The following KIAA0319 variants were observed in gnomAD, a reference collection of about 807,000 sequenced individuals.
KIAA0319 encodes dyslexia-associated protein KIAA0319.
A neutral mutation model predicts 108.4 loss-of-function variants in KIAA0319; 83 were observed. The observed-to-expected ratio is 0.77, with a 90% confidence interval of 0.64 to 0.92. KIAA0319 has a LOEUF of 0.92. Ranked by LOEUF, KIAA0319 falls within the 40% of genes least tolerant of loss-of-function variation. KIAA0319 has a pLI of 0.00. For missense variants in KIAA0319, 1,195 were observed against 1,322.4 expected (o/e 0.90, Z 1.49); for synonymous variants, 484 against 510.4 (o/e 0.95, Z 0.70).
At chr6:24,598,297 AC>A in intron 2 of KIAA0319, 1 of 659,798 alleles carries the variant, frequency 1.5e-6, no homozygotes, top group Non-Finnish European at 2.8e-6. Flanking sequence ...GGCCATGTGC[AC>A]CCAGGAGAAG....
At chr6:24,583,551 T>C (rs1322683895) in intron 5 of KIAA0319, 53 bp downstream of exon 5, 4 of 1,225,978 alleles carry the variant, frequency 3.3e-6, no homozygotes, top group Non-Finnish European at 4.8e-6. Context: ...AAGGACCTGC[T>C]GAAGAAAAAC....
intron 1 of KIAA0319, among the ~76,000 whole-genome samples, chr6:24,640,947 C>A (rs935537647): frequency 6.6e-6 from 1 of 152,164 alleles, no homozygotes. Flanking sequence ...AGACACTGCA[C>A]CTGGCCCATT....
intron 19 of KIAA0319, among the ~76,000 whole-genome samples, chr6:24,551,999 C>T (rs576398053): frequency 6.6e-6 from 1 of 152,042 alleles, no homozygotes; most frequent in South Asian, 2.1e-4. Flanking sequence ...GCAACAGCTG[C>T]TCCCCACCTT....
chr6:24,601,074 T>C lies in KIAA0319; in HGVS notation c.30A>G (p.Ser10=). 6 of 1,614,044 alleles carry C rather than the reference T, an allele frequency of 3.7e-6. No individual in the cohort carries two copies. The highest frequency in any genetic ancestry group is 5.1e-6 in the Non-Finnish European group (6 of 1,179,990). The change falls in exon 2 of 21, where the codon TCA becomes TCG. Residue 10 remains serine, a synonymous_variant. Coordinates refer to ENST00000378214, the MANE Select transcript of KIAA0319 (RefSeq NM_014809.4). MAPPTGVLS[S]LLLLVTIAGC... ...CTGCAATTGTCACCAGCAGCAGCAA[T>C]GAAGAGAGCACACCTGTGGGGGGCG...
At position 24,551,444 on chromosome 6, in the gene KIAA0319, C is replaced by T. The variant is rs1436453372; in HGVS notation, c.3030G>A (p.Arg1010=). ...NMDEQERMEL[R]PKYGIKHRST... ...TGCAGACTGTCTTACCATATTTGGGCCTCAGTTCCATTCTTTCCTGTTCAT... is the reference window on the plus strand; with the variant it reads ...TGCAGACTGTCTTACCATATTTGGGTCTCAGTTCCATTCTTTCCTGTTCAT... The change falls in exon 20 of 21, where the codon AGG becomes AGA. Residue 1010 remains arginine, a synonymous_variant. Transcript: ENST00000378214. 6.2e-7 allele frequency: 1 copy of T among 1,609,154 alleles called. No homozygotes were observed. The highest frequency in any genetic ancestry group is 2.2e-5 in the East Asian group (1 of 44,884).
chr6:24,624,257 G>T lies in KIAA0319; in HGVS notation c.-106+21479C>A, dbSNP rs547054001. ...GGGTTTCATCATATTGCCCAGGCTG[G>T]TCTAGAACTTCTGGGCCCAAATGAC... On this transcript the variant is annotated intron_variant, in intron 1 of 20. Transcript: ENST00000378214. Among the ~76,000 whole-genome samples the T allele has an allele frequency of 1.1e-4, 16 of 144,304 alleles. No individual in the cohort carries two copies. In the East Asian group the frequency reaches 2.9e-3, roughly 26 times the overall value. The allele number at this position is 144,304 out of a possible 152,430, so 94.7% of individuals were successfully genotyped here. A position where few individuals can be genotyped will look rare whatever the true frequency, so the allele number is the denominator to read the frequency against.
intron 4 of KIAA0319, among the ~76,000 whole-genome samples, chr6:24,587,146 T>G (rs1316715123): frequency 6.6e-6 from 1 of 152,224 alleles, no homozygotes; most frequent in Non-Finnish European, 1.5e-5. Flanking sequence ...CAATCACTTA[T>G]CAAATCTTTG....
At chr6:24,597,663 T>C (rs1769866483) in intron 2 of KIAA0319, among the ~76,000 whole-genome samples, 1 of 152,204 alleles carries the variant, frequency 6.6e-6, no homozygotes, top group Non-Finnish European at 1.5e-5. Flanking sequence ...TATGTTTGTA[T>C]GCTCTATGAA....
intron 13 of KIAA0319, among the ~76,000 whole-genome samples, chr6:24,567,992 T>C (rs1764136253): frequency 6.6e-6 from 1 of 152,172 alleles, no homozygotes. Context: ...ATAAAATCTT[T>C]TGAAAAATCC....
chr6:24,562,844 A>C (rs945690847), intron 16 of KIAA0319, among the ~76,000 whole-genome samples: 1 of 152,202 alleles, frequency 6.6e-6, no homozygotes, highest in Non-Finnish European at 1.5e-5. Flanking sequence ...GTCTCAAAAA[A>C]TAAAAATAAA....
chr6:24,553,335 A>ACGCG (rs1293546671), intron 19 of KIAA0319, among the ~76,000 whole-genome samples: 19 of 83,814 alleles, frequency 2.3e-4, no homozygotes, highest in African/African-American at 7.2e-4. Flanking sequence ...ACACACACAC[A>ACGCG]CGCACATATA....
Position 24,595,916 on chromosome 6 carries a change from G to A in KIAA0319, c.758C>T (p.Ala253Val), listed in dbSNP as rs1434322537. The part of the protein sequence containing the change: ...SSGEVLEKEK[A>V]SQLQEQSSNS... ...GCTGGATTGTTCCTGGAGCTGAGAA[G>A]CCTTTTCTTTCTCCAACACCTCTCC... Residue 253 changes from alanine (A) to valine (V), a missense_variant, in exon 3 of 21, where the codon GCT becomes GTT. Physicochemically the swap from Ala to Val is moderately conservative, Grantham distance 64. Transcript: ENST00000378214. 9.9e-6 allele frequency: 16 copies of A among 1,612,944 alleles called. No homozygotes were observed. Among genetic ancestry groups the A allele is most frequent in the East Asian group, 4.5e-5 (2 of 44,874 alleles).
intron 10 of KIAA0319, among the ~76,000 whole-genome samples, chr6:24,573,544 A>C (rs559526721): frequency 1.7e-4 from 26 of 152,384 alleles, no homozygotes; most frequent in African/African-American, 6.3e-4. Flanking sequence ...ACAGTAAAAA[A>C]ATTTTTAAAG....
At position 24,549,731 on chromosome 6, in the gene KIAA0319, T is replaced by C. The variant is rs558459992; in HGVS notation, c.3040+1703A>G. Among the ~76,000 whole-genome samples, 4 of 152,344 alleles carry C rather than the reference T, an allele frequency of 2.6e-5. No individual in the cohort carries two copies. The South Asian group carries it at 6.2e-4, about 24-fold the overall frequency. The stretch of plus-strand genomic sequence containing the variant: ...TTCAATGGGTAAAGTACTTGAGATG[T>C]ACCTAGTACATATTCAACATTAAAT... On this transcript the variant is annotated intron_variant, in intron 20 of 20. Transcript: ENST00000378214.
chr6:24,556,696 C>T lies in KIAA0319; in HGVS notation c.2768G>A (p.Cys923Tyr). ...AATGCAGCGCTTTGTGAGGGGGTCG[C>T]AGTGACCATGGCCAGAACACTTCAG... ...CLLKCSGHGH[C>Y]DPLTKRCICS... Residue 923 changes from cysteine (C) to tyrosine (Y), a missense_variant, in exon 18 of 21, where the codon TGC becomes TAC. Cys to Tyr is a radical substitution (Grantham distance 194). Transcript: ENST00000378214. The T allele has an allele frequency of 3.1e-6, 5 of 1,613,998 alleles. No homozygotes were observed. Among genetic ancestry groups the T allele is most frequent in the Non-Finnish European group, 4.2e-6 (5 of 1,179,996 alleles).
At chr6:24,600,616 C>T in intron 2 of KIAA0319, 1 of 1,498,850 alleles carries the variant, frequency 6.7e-7, no homozygotes, top group Non-Finnish European at 9.0e-7. Flanking sequence ...TTGGTATACT[C>T]ACATGGGCTC....
chr6:24,640,542 G>A (rs1227375751), intron 1 of KIAA0319, among the ~76,000 whole-genome samples: 1 of 152,172 alleles, frequency 6.6e-6, no homozygotes, highest in Admixed American at 6.5e-5. Context: ...GAACTATATA[G>A]GTGACATTAA....
intron 19 of KIAA0319, among the ~76,000 whole-genome samples, chr6:24,551,873 G>A (rs1184074667): frequency 6.6e-6 from 1 of 152,154 alleles, no homozygotes; most frequent in Non-Finnish European, 1.5e-5. Context: ...ATGAGCAAAT[G>A]TTCCCCTGAA....
chr6:24,545,937 C>T lies in KIAA0319; in HGVS notation c.*1228G>A, dbSNP rs1337275915. The T allele has an allele frequency of 6.6e-6, 1 of 152,214 alleles. No individual in the cohort carries two copies. Among genetic ancestry groups the T allele is most frequent in the Non-Finnish European group, 1.5e-5 (1 of 68,068 alleles). The allele number at this position is 152,214 out of a possible 1,614,324, so 9.4% of individuals were successfully genotyped here. On this transcript the variant is annotated 3_prime_UTR_variant, in exon 21 of 21. Transcript: ENST00000378214. ...TCTATCTCTCATTCTAATCTTCCCA[C>T]AAAAAATGCCAAGGGCACCACCAAG... is the stretch of plus-strand genomic sequence containing the variant.
Sources: allele counts gnomAD v4.1 joint callset (sites outside exome capture counted in the v4.1 genomes callset), GRCh38; gene constraint gnomAD v4.1.1; transcripts MANE v1.5; gene names NCBI Gene and HGNC (gene_info 2026-07-23, HGNC 2026-07-21).